Variants in NRAP observed in about 807,000 individuals in gnomAD.
The protein encoded by NRAP is nebulin related anchoring protein.
A neutral mutation model predicts 225.9 loss-of-function variants in NRAP; 189 were observed. That is an observed-to-expected ratio of 0.84 (90% confidence interval 0.74 to 0.94). The LOEUF is 0.94. NRAP is among the 40% of genes least tolerant of loss of function. NRAP has a pLI of 0.00. For missense variants in NRAP, 2,176 were observed against 2,168.7 expected (o/e 1.00, Z -0.07); for synonymous variants, 769 against 790.7 (o/e 0.97, Z 0.46).
At chr10:113,628,627 T>C (rs2034438253) in intron 20 of NRAP, among the ~76,000 whole-genome samples, 1 of 152,208 alleles carries the variant, frequency 6.6e-6, no homozygotes, top group Non-Finnish European at 1.5e-5. Context: ...ACCTAAGAAG[T>C]GCTGTTTTCC....
chr10:113,607,399 C>CAAAAAAAAAAAAAAAA (rs543627940), intron 32 of NRAP, among the ~76,000 whole-genome samples: 56 of 68,598 alleles, frequency 8.2e-4, no homozygotes, highest in Non-Finnish European at 1.0e-3. Context: ...GAAACTCCGT[C>CAAAAAAAAAAAAAAAA]AAAAAAAAAA....
intron 6 of NRAP, among the ~76,000 whole-genome samples, chr10:113,652,125 T>A (rs1410529022): frequency 6.6e-6 from 1 of 151,954 alleles, no homozygotes; most frequent in Non-Finnish European, 1.5e-5. Flanking sequence ...CCAACAAATA[T>A]TAACTTGCTT....
chr10:113,618,256 T>C (rs1847784302), intron 25 of NRAP, among the ~76,000 whole-genome samples: 1 of 152,304 alleles, frequency 6.6e-6, no homozygotes, highest in Non-Finnish European at 1.5e-5. Flanking sequence ...TCAAGGTACA[T>C]TTTTAGGAGA....
chr10:113,645,625 C>T (rs1325331353), intron 11 of NRAP, among the ~76,000 whole-genome samples, 200 bp downstream of exon 11: 3 of 152,194 alleles, frequency 2.0e-5, no homozygotes, highest in Non-Finnish European at 4.4e-5. Context: ...CCATGTTAGT[C>T]AGGCTGATCT....
intron 4 of NRAP, among the ~76,000 whole-genome samples, chr10:113,655,550 G>A (rs1414832473): frequency 2.6e-5 from 4 of 151,644 alleles, no homozygotes; most frequent in African/African-American, 9.7e-5. Context: ...CCGCCTCCTG[G>A]GTTCAAGCAA....
rs1369681187 is a variant in NRAP at position 113,614,857 on chromosome 10, A to G, written c.3168T>C (p.Ser1056=). 1 of 1,605,930 alleles carries G rather than the reference A, an allele frequency of 6.2e-7. No homozygotes were observed. The highest frequency in any genetic ancestry group is 8.5e-7 in the Non-Finnish European group (1 of 1,172,420). Residue 1056 remains serine (S), a synonymous_variant, in exon 28 of 42, where the codon TCT becomes TCC. Transcript: ENST00000359988. ...TGCTCACATCACTTATGATTTCACC[A>G]GAAGCCTTTGCTGCTTGGAATGGAA... ...DALPFQAAKA[S]GEIISDYKYK... is the part of the protein sequence containing the mutation.
chr10:113,628,931 G>A lies in NRAP; in HGVS notation c.2131C>T (p.Gln711Ter), dbSNP rs1414544292. 4 of 1,608,354 alleles carry A rather than the reference G, an allele frequency of 2.5e-6. No homozygotes were observed. The highest frequency in any genetic ancestry group is 1.1e-5 in the South Asian group (1 of 90,190). The change falls in exon 20 of 42, where the codon CAG becomes TAG. Residue 711 changes from glutamine (Q) to a stop codon, truncating the protein, a stop_gained. Transcript: ENST00000359988. LOFTEE classifies it high-confidence loss of function. The part of the protein sequence containing the change: ...LNLEQAKKAG[Q>*]LVSEKNYRQR... The stretch of plus-strand genomic sequence containing the variant: ...GTGCAGGTTACCTCGCTGACCAGCT[G>A]TCCAGCCTTCTTGGCTTGTTCCAAG...
At chr10:113,592,520 C>T (rs1428579649) in intron 38 of NRAP, among the ~76,000 whole-genome samples, 2 of 151,858 alleles carry the variant, frequency 1.3e-5, no homozygotes, top group Admixed American at 6.6e-5. Flanking sequence ...CCCATTAGGC[C>T]CTGCTCCTGT....
Position 113,604,813 on chromosome 10 carries a change from C to T in NRAP, c.4023G>A (p.Gln1341=). The change falls in exon 35 of 42, where the codon CAG becomes CAA. Residue 1341 remains glutamine (Q), a synonymous_variant. Transcript: ENST00000359988. ...CCCCCCTCCTGTACTGAAGCTCGCT[C>T]TGCAGCTGGCCCATGCGCCGGCAGT... is the stretch of plus-strand genomic sequence containing the variant. ...IQHCRRMGQL[Q]SELQYRRGAT... 1 of 1,614,206 alleles carries T rather than the reference C, an allele frequency of 6.2e-7. No individual in the cohort carries two copies. The highest frequency in any genetic ancestry group is 8.5e-7 in the Non-Finnish European group (1 of 1,180,028).
intron 31 of NRAP, among the ~76,000 whole-genome samples, chr10:113,609,625 A>G (rs1847203877): frequency 6.6e-6 from 1 of 152,230 alleles, no homozygotes; most frequent in East Asian, 1.9e-4. Context: ...TACAGCTGCC[A>G]GAAAAGCACA....
chr10:113,626,021 TG>T, intron 21 of NRAP, 25 bp downstream of exon 21: 1 of 1,535,668 alleles, frequency 6.5e-7, no homozygotes, highest in Non-Finnish European at 8.9e-7. Context: ...AGCAGCTTGG[TG>T]GAGAAAGGGC....
intron 22 of NRAP, among the ~76,000 whole-genome samples, chr10:113,624,365 C>A (rs901702745): frequency 2.0e-5 from 3 of 152,156 alleles, no homozygotes; most frequent in Admixed American, 6.5e-5. Context: ...TATAGAGACT[C>A]ACTGAAACCT....
At chr10:113,661,214 C>T (rs560771375) in intron 3 of NRAP, among the ~76,000 whole-genome samples, 3 of 152,174 alleles carry the variant, frequency 2.0e-5, no homozygotes, top group African/African-American at 7.2e-5. Context: ...GTTTCCTCAC[C>T]GTAAAATGGG....
intron 35 of NRAP, among the ~76,000 whole-genome samples, chr10:113,598,308 T>A (rs1190043880): frequency 6.7e-6 from 1 of 148,758 alleles, no homozygotes; most frequent in African/African-American, 2.5e-5. Context: ...CACCAGTGAA[T>A]TGGCAGGATT....
chr10:113,590,545 A>C, intron 40 of NRAP, 33 bp downstream of exon 40: 7 of 1,585,646 alleles, frequency 4.4e-6, no homozygotes, highest in Non-Finnish European at 6.0e-6. Flanking sequence ...CACCAGGGGA[A>C]GGGCCTCAAG....
Position 113,652,272 on chromosome 10 carries a change from C to A in NRAP, c.571-365G>T, listed in dbSNP as rs546750196. ...GATAGAGTCAGGATTCAAATTTCAA[C>A]ATTCTGGCTCCAAAATCTAAGCTTT... On this transcript the variant is annotated intron_variant, in intron 6 of 41. Coordinates refer to ENST00000359988, the MANE Select transcript of NRAP (RefSeq NM_198060.4). Among the ~76,000 whole-genome samples, 3 of 152,320 alleles carry A rather than the reference C, an allele frequency of 2.0e-5. No individual in the cohort carries two copies. The South Asian group carries it at 6.2e-4, about 32-fold the overall frequency.
intron 25 of NRAP, among the ~76,000 whole-genome samples, chr10:113,618,148 CAAA>C (rs372609403): frequency 8.9e-6 from 1 of 112,212 alleles, no homozygotes; most frequent in African/African-American, 3.6e-5. Flanking sequence ...GACACTGAAG[CAAA>C]AAAAAAAAAA....
chr10:113,607,500 C>A (rs550510362), intron 32 of NRAP, among the ~76,000 whole-genome samples: 1 of 149,066 alleles, frequency 6.7e-6, no homozygotes, highest in South Asian at 2.1e-4. Context: ...AGTTGGCTAA[C>A]GCCAGAGGCC....
chr10:113,598,258 G>C (rs1381794791), intron 35 of NRAP, among the ~76,000 whole-genome samples, 185 bp from the exon 36 acceptor site: 1 of 147,266 alleles, frequency 6.8e-6, no homozygotes, highest in East Asian at 2.0e-4. Context: ...ATTCTGCCAG[G>C]AATTAATTAA....
Sources: gnomAD v4.1 joint callset for allele counts (sites outside exome capture counted in the v4.1 genomes callset) on GRCh38, gnomAD v4.1.1 for gene constraint, MANE v1.5 for transcripts, NCBI Gene and HGNC (gene_info 2026-07-23, HGNC 2026-07-21) for gene names.